CACNA2D3: variants seen among roughly 807,000 people sequenced by gnomAD.
CACNA2D3 encodes calcium voltage-gated channel auxiliary subunit alpha2delta 3, also known as voltage-dependent calcium channel subunit alpha-2/delta-3.
Under a neutral mutation model 160.6 loss-of-function variants are expected in CACNA2D3, and 60 were observed. The observed-to-expected ratio is 0.37, with a 90% CI of 0.30 to 0.46. The LOEUF (loss-of-function observed/expected upper bound fraction) is 0.46, where lower values mean the gene tolerates loss of function less well. CACNA2D3 is among the 20% of genes least tolerant of loss of function. The pLI is 1.00. For synonymous variants in CACNA2D3, 558 were observed against 492.9 expected (o/e 1.13, Z -1.75); for missense variants, 1,205 against 1,365.0 (o/e 0.88, Z 1.85).
At chr3:54,711,306 C>T (rs957274133) in intron 11 of CACNA2D3, among the ~76,000 whole-genome samples, 1 of 152,180 alleles carries the variant, frequency 6.6e-6, no homozygotes, top group African/African-American at 2.4e-5. Flanking sequence ...ACCTATTGCA[C>T]CAGTTAGGAT....
intron 5 of CACNA2D3, among the ~76,000 whole-genome samples, chr3:54,534,703 G>T (rs1394021195): frequency 6.6e-6 from 1 of 152,010 alleles, no homozygotes; most frequent in African/African-American, 2.4e-5. Flanking sequence ...CTAGAGGATT[G>T]CTTGAGCCCA....
At chr3:54,708,732 T>A (rs1362917047) in intron 11 of CACNA2D3, among the ~76,000 whole-genome samples, 2 of 152,194 alleles carry the variant, frequency 1.3e-5, no homozygotes, top group East Asian at 3.8e-4. Context: ...GCTCCAGAAT[T>A]TCCTCCAACA....
intron 3 of CACNA2D3, among the ~76,000 whole-genome samples, chr3:54,350,376 A>G (rs1698531406): frequency 6.6e-6 from 1 of 151,954 alleles, no homozygotes; most frequent in Admixed American, 6.6e-5. Context: ...CATCTATTGC[A>G]TTTTAGGTTC....
At chr3:54,757,033 G>T (rs748418918) in intron 12 of CACNA2D3, among the ~76,000 whole-genome samples, 6 of 152,072 alleles carry the variant, frequency 3.9e-5, no homozygotes, top group Admixed American at 3.9e-4. Context: ...AAAGTTATGC[G>T]TTCACACTAT....
chr3:54,316,520 T>C (rs1219724892), intron 2 of CACNA2D3, among the ~76,000 whole-genome samples: 2 of 152,226 alleles, frequency 1.3e-5, no homozygotes, highest in African/African-American at 4.8e-5. Flanking sequence ...AAGTAGTATA[T>C]TCTTGGCTCG....
chr3:54,595,201 A>G (rs1702929578), intron 9 of CACNA2D3, among the ~76,000 whole-genome samples: 1 of 152,142 alleles, frequency 6.6e-6, no homozygotes, highest in Admixed American at 6.6e-5. Flanking sequence ...AGACTAATAC[A>G]ATAGTTAGTT....
chr3:54,909,187 G>A (rs561316366), intron 27 of CACNA2D3, among the ~76,000 whole-genome samples: 1 of 152,148 alleles, frequency 6.6e-6, no homozygotes, highest in Non-Finnish European at 1.5e-5. Context: ...TGTTTTCATT[G>A]TAAGTCAAGA....
At chr3:54,822,476 C>T (rs1703626076) in intron 14 of CACNA2D3, among the ~76,000 whole-genome samples, 1 of 152,220 alleles carries the variant, frequency 6.6e-6, no homozygotes, top group Non-Finnish European at 1.5e-5. Context: ...TGCTCTGCTG[C>T]TGAGGAAGGA....
rs371173324 is a variant in CACNA2D3, at chr3:54,250,685, C to T, written c.205-69757C>T. Among the ~76,000 whole-genome samples the T allele has an allele frequency of 1.8e-3, 270 of 152,154 alleles. 9 individuals are homozygous for T. In the South Asian group the frequency reaches 0.052, roughly 29 times the overall value. ...TTCTGGGCTCAAGCAGTCTTCCCTC[C>T]GTCATCGCCCAAAGTGCTTGGCTTA... On this transcript the variant is annotated intron_variant, in intron 2 of 37. Coordinates refer to ENST00000474759, the MANE Select transcript of CACNA2D3 (RefSeq NM_018398.3).
intron 5 of CACNA2D3, among the ~76,000 whole-genome samples, chr3:54,550,473 C>A (rs1702138465): frequency 1.3e-5 from 2 of 152,214 alleles, no homozygotes; most frequent in African/African-American, 4.8e-5. Flanking sequence ...TTCACACCCC[C>A]AAATGTGGGC....
intron 14 of CACNA2D3, among the ~76,000 whole-genome samples, chr3:54,828,908 ATTACAC>A (rs1703805375): frequency 6.6e-6 from 1 of 152,242 alleles, no homozygotes; most frequent in Non-Finnish European, 1.5e-5. Flanking sequence ...AGATTTAGTG[ATTACAC>A]TTTACCAAGA....
At chr3:54,144,976 T>C (rs1699998663) in intron 2 of CACNA2D3, among the ~76,000 whole-genome samples, 1 of 152,240 alleles carries the variant, frequency 6.6e-6, no homozygotes, top group African/African-American at 2.4e-5. Context: ...TTGTTTTAAC[T>C]ACTCGCTGTG....
intron 35 of CACNA2D3, among the ~76,000 whole-genome samples, chr3:55,053,193 T>G (rs1180528854): frequency 1.3e-5 from 2 of 152,090 alleles, no homozygotes; most frequent in African/African-American, 4.8e-5. Flanking sequence ...CTACTGATTT[T>G]CTTTTTGTCA....
intron 4 of CACNA2D3, among the ~76,000 whole-genome samples, chr3:54,493,632 C>G (rs909951022): frequency 6.6e-6 from 1 of 152,172 alleles, no homozygotes; most frequent in Non-Finnish European, 1.5e-5. Flanking sequence ...CCTAATCCTC[C>G]AATTTTCAAG....
At chr3:54,933,208 C>A (rs1226502947) in intron 27 of CACNA2D3, among the ~76,000 whole-genome samples, 1 of 152,098 alleles carries the variant, frequency 6.6e-6, no homozygotes, top group Non-Finnish European at 1.5e-5. Flanking sequence ...AAATGACAAT[C>A]CCATTAATCA....
At chr3:54,732,899 A>G (rs1701417674) in intron 11 of CACNA2D3, among the ~76,000 whole-genome samples, 1 of 152,240 alleles carries the variant, frequency 6.6e-6, no homozygotes, top group East Asian at 1.9e-4. Context: ...AAAATTAACA[A>G]ATCTAAAATC....
chr3:54,289,330 C>T (rs1430343037), intron 2 of CACNA2D3, among the ~76,000 whole-genome samples: 3 of 151,918 alleles, frequency 2.0e-5, no homozygotes, highest in Non-Finnish European at 2.9e-5. Context: ...GAATAAAATA[C>T]CTAGGAATCC....
chr3:54,265,623 T>G (rs1382189608), intron 2 of CACNA2D3, among the ~76,000 whole-genome samples: 2 of 149,362 alleles, frequency 1.3e-5, no homozygotes, highest in African/African-American at 2.5e-5. Flanking sequence ...TGTATATATA[T>G]ATAGTGTGTA....
chr3:54,230,381 G>A (rs902963876), intron 2 of CACNA2D3, among the ~76,000 whole-genome samples: 2 of 152,196 alleles, frequency 1.3e-5, no homozygotes, highest in Non-Finnish European at 2.9e-5. Flanking sequence ...CCAAGAAGAT[G>A]TTTTGCAACC....
Sources: gnomAD v4.1 joint callset for allele counts (sites outside exome capture counted in the v4.1 genomes callset) on GRCh38, gnomAD v4.1.1 for gene constraint, MANE v1.5 for transcripts, NCBI Gene and HGNC (gene_info 2026-07-23, HGNC 2026-07-21) for gene names.